PDE3B: variants seen among roughly 807,000 people sequenced by gnomAD.
The protein encoded by PDE3B is phosphodiesterase 3B, also known as cGMP-inhibited 3',5'-cyclic phosphodiesterase 3B.
Under a neutral mutation model 116.8 loss-of-function variants are expected in PDE3B, and 66 were observed. The ratio of observed to expected loss-of-function variants is 0.56; its 90% confidence interval spans 0.46 to 0.69. PDE3B has a LOEUF of 0.69. PDE3B is among the 30% of genes least tolerant of loss of function. The probability of loss-of-function intolerance (pLI) is 0.00; values close to 1 mark genes in which losing one functional copy is unlikely to be tolerated. For missense variants in PDE3B, 1,384 were observed against 1,368.1 expected, an observed-to-expected ratio of 1.01 and a Z score of -0.18; for synonymous variants, 595 against 533.6, an observed-to-expected ratio of 1.12 and a Z score of -1.59.
At chr11:14,816,446 A>G (rs2133947902) in intron 5 of PDE3B, among the ~76,000 whole-genome samples, 1 of 152,276 alleles carries the variant, frequency 6.6e-6, no homozygotes, top group South Asian at 2.1e-4. Context: ...AAGGTTATAA[A>G]TCTGCCTGCA....
At position 14,726,825 on chromosome 11, in the gene PDE3B, A is replaced by G. The variant is rs560647528; in HGVS notation, c.979-45112A>G. 2.0e-4 allele frequency among the ~76,000 whole-genome samples: 30 copies of G among 152,306 alleles called. No individual in the cohort carries two copies. In the South Asian group the frequency reaches 6.0e-3, roughly 31 times the overall value. On this transcript the variant is annotated intron_variant, in intron 1 of 15. Transcript: ENST00000282096. ...GTTGGGGTAGAAATCAGACTGGAGT[A>G]TGACAGGTGAGGTAGGGAGAGTGAA...
chr11:14,654,905 TGAG>T (rs1440871228), intron 1 of PDE3B, among the ~76,000 whole-genome samples: 1 of 146,658 alleles, frequency 6.8e-6, no homozygotes, highest in Non-Finnish European at 1.5e-5. Context: ...ACAAAAGAAT[TGAG>T]GGAAAAAAGG....
intron 7 of PDE3B, among the ~76,000 whole-genome samples, chr11:14,820,568 T>C (rs1859484734): frequency 6.6e-6 from 1 of 152,190 alleles, no homozygotes; most frequent in Non-Finnish European, 1.5e-5. Flanking sequence ...AATTGTTAAA[T>C]TGTACACTTG....
In PDE3B at chr11:14,742,433, C is replaced by G. The variant is rs145375074; in HGVS notation, c.979-29504C>G. Among the ~76,000 whole-genome samples the G allele has an allele frequency of 6.3e-4, 96 of 152,272 alleles. 1 individual carries two copies. The East Asian group carries it at 0.015, about 25-fold the overall frequency. Reference sequence around the variant, plus strand: ...TCTTGTGCTGTGTTTTTCAGCTCCACCAGATCATTTATGTTCTTCTCTAAA... The same window carrying G: ...TCTTGTGCTGTGTTTTTCAGCTCCAGCAGATCATTTATGTTCTTCTCTAAA... On this transcript the variant is annotated intron_variant, in intron 1 of 15. Coordinates refer to ENST00000282096, the MANE Select transcript of PDE3B (RefSeq NM_000922.4).
intron 1 of PDE3B, among the ~76,000 whole-genome samples, chr11:14,672,284 C>T (rs188221353): frequency 7.2e-5 from 11 of 151,850 alleles, no homozygotes; most frequent in South Asian, 2.1e-4. Flanking sequence ...TATCTGAACA[C>T]AGGGCTTTTT....
chr11:14,659,284 A>G (rs1031549425), intron 1 of PDE3B, among the ~76,000 whole-genome samples: 2 of 152,204 alleles, frequency 1.3e-5, no homozygotes, highest in African/African-American at 4.8e-5. Flanking sequence ...TTTTGACATT[A>G]CTTTTTCAGA....
chr11:14,798,501 G>A (rs768576815), intron 4 of PDE3B, among the ~76,000 whole-genome samples: 3 of 152,156 alleles, frequency 2.0e-5, no homozygotes, highest in East Asian at 1.9e-4. Flanking sequence ...GTTTCAGAAC[G>A]AATGGTACTA....
At chr11:14,709,760 TCA>T (rs1051303399) in intron 1 of PDE3B, among the ~76,000 whole-genome samples, 8 of 152,336 alleles carry the variant, frequency 5.3e-5, no homozygotes, top group Non-Finnish European at 1.5e-5. Context: ...ACGTTTTTTG[TCA>T]CAGTCTTCTT....
At chr11:14,723,010 A>G (rs1856169383) in intron 1 of PDE3B, among the ~76,000 whole-genome samples, 1 of 152,232 alleles carries the variant, frequency 6.6e-6, no homozygotes, top group Non-Finnish European at 1.5e-5. Flanking sequence ...AAATGTTGAA[A>G]TTAAGTATTT....
At chr11:14,806,397 G>A (rs1002742275) in intron 5 of PDE3B, among the ~76,000 whole-genome samples, 2 of 151,512 alleles carry the variant, frequency 1.3e-5, no homozygotes, top group African/African-American at 2.4e-5. Context: ...GCTGTGAGCC[G>A]AGATCGTGCC....
intron 1 of PDE3B, among the ~76,000 whole-genome samples, chr11:14,704,589 T>C (rs986076205): frequency 2.0e-5 from 3 of 151,674 alleles, no homozygotes; most frequent in East Asian, 1.9e-4. Flanking sequence ...TTATGGACAA[T>C]AGACCCACAC....
intron 2 of PDE3B, among the ~76,000 whole-genome samples, chr11:14,783,678 G>T (rs79867705): frequency 1.2e-4 from 18 of 151,944 alleles, no homozygotes; most frequent in Non-Finnish European, 2.5e-4. Flanking sequence ...GAGTTGATGG[G>T]TGCAGCACAC....
At chr11:14,806,270 C>T (rs1858919617) in intron 5 of PDE3B, among the ~76,000 whole-genome samples, 1 of 144,076 alleles carries the variant, frequency 6.9e-6, no homozygotes, top group Admixed American at 6.9e-5. Context: ...GAAACCCCGT[C>T]TCTACTAAAA....
At chr11:14,796,042 C>T (rs1255331811) in intron 4 of PDE3B, among the ~76,000 whole-genome samples, 1 of 152,122 alleles carries the variant, frequency 6.6e-6, no homozygotes, top group Non-Finnish European at 1.5e-5. Context: ...CACCCCCCGA[C>T]AGGCCCTGGT....
chr11:14,867,740 G>A lies in PDE3B; in HGVS notation c.3121G>A (p.Glu1041Lys), dbSNP rs200222693. Residue 1041 changes from glutamate (E) to lysine (K), a missense_variant, in exon 15 of 16, where the codon GAA becomes AAA. Transcript: ENST00000282096. ...ATTAGATACAGAAGATGAAGAAATG[G>A]AAAACAATCTAAATCCAAGTAAGAA... ...EELDTEDEEM[E>K]NNLNPKPPRR... 1 of 1,608,008 alleles carries A rather than the reference G, an allele frequency of 6.2e-7. No individual in the cohort carries two copies. The highest frequency in any genetic ancestry group is 2.2e-5 in the East Asian group (1 of 44,812).
chr11:14,675,271 C>T (rs1248364877), intron 1 of PDE3B, among the ~76,000 whole-genome samples: 1 of 152,026 alleles, frequency 6.6e-6, no homozygotes, highest in Non-Finnish European at 1.5e-5. Context: ...TCACCTATTT[C>T]TCTATTTCTT....
intron 1 of PDE3B, among the ~76,000 whole-genome samples, chr11:14,727,170 G>A (rs2133850125): frequency 6.6e-6 from 1 of 152,116 alleles, no homozygotes; most frequent in Admixed American, 6.5e-5. Flanking sequence ...AGTAAATTAA[G>A]CCTTTGCCTT....
At chr11:14,707,717 C>A (rs1247220625) in intron 1 of PDE3B, among the ~76,000 whole-genome samples, 2 of 151,934 alleles carry the variant, frequency 1.3e-5, no homozygotes, top group Admixed American at 1.3e-4. Context: ...CCCATTAATT[C>A]TTTAGACTTC....
chr11:14,808,392 C>CAA (rs1346742846), intron 5 of PDE3B, among the ~76,000 whole-genome samples: 1 of 152,078 alleles, frequency 6.6e-6, no homozygotes, highest in African/African-American at 2.4e-5. Flanking sequence ...GTGAAACATG[C>CAA]AAAGATACAA....
Sources: allele counts gnomAD v4.1 joint callset (sites outside exome capture counted in the v4.1 genomes callset), GRCh38; gene constraint gnomAD v4.1.1; transcripts MANE v1.5; gene names NCBI Gene and HGNC (gene_info 2026-07-23, HGNC 2026-07-21).